The following PRKN variants were observed in gnomAD, a reference collection of about 807,000 sequenced individuals.
PRKN encodes the protein parkin RBR E3 ubiquitin protein ligase.
In PRKN, 56 loss-of-function variants were observed where a neutral mutation model predicts 59.5. The ratio of observed to expected loss-of-function variants is 0.94; its 90% CI spans 0.76 to 1.18. The LOEUF is 1.18. PRKN is among the 50% of genes most tolerant of loss of function. The probability of loss-of-function intolerance (pLI) is 0.00; values close to 1 mark genes in which losing one functional copy is unlikely to be tolerated. For missense variants in PRKN, 657 were observed against 596.4 expected (o/e 1.10, Z -1.06); for synonymous variants, 250 against 222.1 (o/e 1.13, Z -1.12).
rs139688369 is a variant in PRKN at position 161,503,246 on chromosome 6, G to A, written c.1083+45608C>T. Among the ~76,000 whole-genome samples, 174 of 152,196 alleles carry A rather than the reference G, an allele frequency of 1.1e-3. 1 individual carries two copies. The highest frequency in any genetic ancestry group is 4.0e-3 in the African/African-American group (166 of 41,542). On this transcript the variant is annotated intron_variant, in intron 9 of 11. Coordinates refer to ENST00000366898, the MANE Select transcript of PRKN (RefSeq NM_004562.3). This position sits in a 1 kb window ranked among gnomAD's most constrained non-coding sequence, Gnocchi z 5.1. Reference sequence around the variant, plus strand: ...GAGGGTAGAACGGGAGGGGGCTGCTGCTGTACCGTAGAGTCTTGATGAATT... The same window carrying A: ...GAGGGTAGAACGGGAGGGGGCTGCTACTGTACCGTAGAGTCTTGATGAATT...
intron 1 of PRKN, among the ~76,000 whole-genome samples, chr6:162,523,729 A>G (rs73037959): frequency 0.089 from 13,570 of 151,916 alleles, 644 homozygotes; most frequent in South Asian, 0.17. Context: ...AAAATCTATG[A>G]AGTTTGGCTG....
At chr6:161,478,055 CAAT>C (rs1164398455) in intron 9 of PRKN, among the ~76,000 whole-genome samples, 1 of 152,132 alleles carries the variant, frequency 6.6e-6, no homozygotes, top group African/African-American at 2.4e-5. Context: ...ATTCTGAGGA[CAAT>C]AAAATGACAA....
intron 7 of PRKN, among the ~76,000 whole-genome samples, chr6:161,577,052 A>C (rs1257710267): frequency 6.6e-6 from 1 of 152,262 alleles, no homozygotes; most frequent in Non-Finnish European, 1.5e-5. Context: ...AAGAGGAAAG[A>C]GGAACAGGAC....
chr6:162,687,264 C>T (rs1161510886), intron 1 of PRKN, among the ~76,000 whole-genome samples: 1 of 150,798 alleles, frequency 6.6e-6, no homozygotes, highest in East Asian at 2.0e-4. Context: ...CAGCTCACTG[C>T]AAGCTCTGCC....
intron 2 of PRKN, among the ~76,000 whole-genome samples, chr6:162,320,895 A>G (rs1305154565): frequency 6.7e-6 from 1 of 150,294 alleles, no homozygotes; most frequent in East Asian, 1.9e-4. Context: ...AGCTAAAGCA[A>G]TATGCAAAGA....
chr6:161,706,538 A>G (rs35115923), intron 7 of PRKN, among the ~76,000 whole-genome samples: 56,455 of 152,044 alleles, frequency 0.37, 10,588 homozygotes, highest in South Asian at 0.48. Flanking sequence ...GAATCGATAA[A>G]CGAAAGACAA....
intron 6 of PRKN, among the ~76,000 whole-genome samples, chr6:161,910,646 A>G (rs1344505023): frequency 6.6e-6 from 1 of 152,224 alleles, no homozygotes; most frequent in Non-Finnish European, 1.5e-5. Context: ...AGGAAGTTCT[A>G]CCATAGATAG....
Position 161,400,413 on chromosome 6 carries a change from T to G in PRKN, c.1084-13536A>C, listed in dbSNP as rs1185681930. Among the ~76,000 whole-genome samples the G allele has an allele frequency of 6.6e-6, 1 of 151,810 alleles. No homozygotes were observed. Among genetic ancestry groups the G allele is most frequent in the Non-Finnish European group, 1.5e-5 (1 of 67,962 alleles). On this transcript the variant is annotated intron_variant, in intron 9 of 11. Coordinates refer to ENST00000366898, the MANE Select transcript of PRKN (RefSeq NM_004562.3). The surrounding 1 kb of genome is among the most constrained non-coding windows in gnomAD (Gnocchi z 4.2). Reference sequence around the variant, plus strand: ...ACCTGTACCTCCCAGGTTCAAGCAATTCTCCTGCCTCAGCCTCCCAAGTAG... The same window carrying G: ...ACCTGTACCTCCCAGGTTCAAGCAAGTCTCCTGCCTCAGCCTCCCAAGTAG...
intron 7 of PRKN, among the ~76,000 whole-genome samples, chr6:161,684,766 G>A (rs908818475): frequency 3.3e-5 from 5 of 151,168 alleles, no homozygotes; most frequent in Non-Finnish European, 5.9e-5. Context: ...CTATATTTTA[G>A]GTCATAGAAA....
At position 161,445,294 on chromosome 6, in the gene PRKN, G is replaced by C. The variant is rs1006771108; in HGVS notation, c.1084-58417C>G. Among the ~76,000 whole-genome samples the C allele has an allele frequency of 1.5e-4, 23 of 152,152 alleles. No homozygotes were observed. Among genetic ancestry groups the C allele is most frequent in the African/African-American group, 5.3e-4 (22 of 41,430 alleles). On this transcript the variant is annotated intron_variant, in intron 9 of 11. Coordinates refer to ENST00000366898, the MANE Select transcript of PRKN (RefSeq NM_004562.3). This position sits in a 1 kb window ranked among gnomAD's most constrained non-coding sequence, Gnocchi z 7.7. ...AACATAGACCGCATGTGACCTGCTG[G>C]TGCTCGGCACTGACCCAGGGGAGGA...
chr6:162,602,213 T>C (rs920823282), intron 1 of PRKN, among the ~76,000 whole-genome samples: 2 of 152,106 alleles, frequency 1.3e-5, no homozygotes, highest in Admixed American at 1.3e-4. Flanking sequence ...CCCTGGGTCC[T>C]AAAGGCTTTA....
intron 1 of PRKN, among the ~76,000 whole-genome samples, chr6:162,653,700 C>T (rs1170334141): frequency 6.6e-6 from 1 of 152,010 alleles, no homozygotes. Context: ...GTTATAATAT[C>T]TACTTCACAG....
At chr6:162,524,837 T>C (rs959036562) in intron 1 of PRKN, among the ~76,000 whole-genome samples, 1 of 152,320 alleles carries the variant, frequency 6.6e-6, no homozygotes, top group South Asian at 2.1e-4. Flanking sequence ...TGAAGGTTTT[T>C]GTGTCCTCTA....
At chr6:162,608,636 A>G (rs529483538) in intron 1 of PRKN, among the ~76,000 whole-genome samples, 16 of 152,206 alleles carry the variant, frequency 1.1e-4, no homozygotes, top group Non-Finnish European at 2.1e-4. Context: ...ACCAATCCCA[A>G]TTCTTGGCCC....
At chr6:161,542,690 C>T (rs973288841) in intron 9 of PRKN, among the ~76,000 whole-genome samples, 2 of 152,150 alleles carry the variant, frequency 1.3e-5, no homozygotes, top group Admixed American at 6.5e-5. Flanking sequence ...TGAAGAACAT[C>T]TTGTATATCA....
intron 2 of PRKN, among the ~76,000 whole-genome samples, chr6:162,397,019 T>G (rs1787511014): frequency 6.6e-6 from 1 of 152,132 alleles, no homozygotes; most frequent in Admixed American, 6.5e-5. Context: ...GTGTTGGAGA[T>G]AGTATGCAAC....
intron 9 of PRKN, among the ~76,000 whole-genome samples, chr6:161,523,916 G>A (rs1778927026): frequency 6.6e-6 from 1 of 152,084 alleles, no homozygotes; most frequent in Admixed American, 6.5e-5. Context: ...CCAGAGGAGA[G>A]CCTCTCAGCA....
chr6:161,633,664 T>C (rs1783399852), intron 7 of PRKN, among the ~76,000 whole-genome samples: 1 of 152,232 alleles, frequency 6.6e-6, no homozygotes, highest in Non-Finnish European at 1.5e-5. Context: ...CTCTCCTCTG[T>C]TGCCCATGAA....
At chr6:162,655,527 T>C (rs1583991229) in intron 1 of PRKN, among the ~76,000 whole-genome samples, 1 of 152,142 alleles carries the variant, frequency 6.6e-6, no homozygotes, top group Non-Finnish European at 1.5e-5. Flanking sequence ...CTCTTATGAG[T>C]GTTCATATAT....
Sources: gnomAD v4.1 joint callset for allele counts (sites outside exome capture counted in the v4.1 genomes callset) on GRCh38, gnomAD v4.1.1 for gene constraint, Gnocchi (gnomAD v3.1) non-coding constraint, MANE v1.5 for transcripts, NCBI Gene and HGNC (gene_info 2026-07-23, HGNC 2026-07-21) for gene names.